CDKN2D: variants seen among roughly 807,000 people sequenced by gnomAD.
CDKN2D encodes the protein cyclin-dependent kinase 4 inhibitor D.
CDKN2D carries 3 observed loss-of-function variants against 4.7 expected under a neutral mutation model. The observed-to-expected ratio is 0.64, with a 90% CI of 0.29 to 1.66. CDKN2D has a LOEUF of 1.66. CDKN2D is among the 40% of genes most tolerant of loss of function. The pLI is 0.10. For missense variants in CDKN2D, 196 were observed against 230.9 expected (o/e 0.85, Z 0.98); for synonymous variants, 91 against 102.3 (o/e 0.89, Z 0.67).
chr19:10,566,914 CA>C lies in CDKN2D; in HGVS notation c.*143del. ...AACGTCCCCCAAACACTCACACCCC[CA>C]AAACCAACACCTATAAGCCACAAAC... On this transcript the variant is annotated 3_prime_UTR_variant, in exon 2 of 2. Coordinates refer to ENST00000393599, the MANE Select transcript of CDKN2D (RefSeq NM_001800.4). The C allele has an allele frequency of 1.2e-6, 1 of 828,360 alleles. No individual in the cohort carries two copies. The highest frequency in any genetic ancestry group is 1.9e-6 in the Non-Finnish European group (1 of 533,644). 51.3% of individuals were successfully genotyped at this position (828,360 alleles called of 1,614,324 possible). A position where few individuals can be genotyped will look rare whatever the true frequency, so the allele number is the denominator to read the frequency against.
rs756045764 is a variant in CDKN2D at position 10,567,289 on chromosome 19, C to T, written c.270G>A (p.Leu90=). Residue 90 remains leucine (L), a synonymous_variant, in exon 2 of 2, where the codon CTG becomes CTA. Coordinates refer to ENST00000393599, the MANE Select transcript of CDKN2D (RefSeq NM_001800.4). The stretch of plus-strand genomic sequence containing the variant: ...CAGCCCCGTGCTCCACTAGGACCTT[C>T]AGGGTGTCCAGGAATCCAGTGCGGG... The part of the protein sequence containing the change: ...DAARTGFLDT[L]KVLVEHGADV... 1.2e-6 allele frequency: 2 copies of T among 1,614,204 alleles called. No homozygotes were observed. Among genetic ancestry groups the T allele is most frequent in the Non-Finnish European group, 1.7e-6 (2 of 1,180,026 alleles).
rs575927926 is a variant in CDKN2D at position 10,568,937 on chromosome 19, C to G, written c.-284G>C. 2 of 209,860 alleles carry G rather than the reference C, an allele frequency of 9.5e-6. No homozygotes were observed. Among genetic ancestry groups the G allele is most frequent in the South Asian group, 1.9e-4 (1 of 5,364 alleles). 13.0% of individuals were successfully genotyped at this position (209,860 alleles called of 1,614,324 possible). ...CCGCCCCTTGGGGGCCGGGTCTCCC[C>G]CTAACTCACCCTCCCTCCTCCTCGC... On this transcript the variant is annotated 5_prime_UTR_variant, in exon 1 of 2. Coordinates refer to ENST00000393599, the MANE Select transcript of CDKN2D (RefSeq NM_001800.4).
In CDKN2D at chr19:10,568,688, G is replaced by A. The variant is rs749598950; in HGVS notation, c.-35C>T. 3.7e-6 allele frequency: 5 copies of A among 1,340,232 alleles called. 1 individual carries two copies. In the East Asian group the frequency reaches 9.0e-5, roughly 24 times the overall value. 83.0% of individuals were successfully genotyped at this position (1,340,232 alleles called of 1,614,324 possible). ...GGCGGCCTGCAAAGCCCCCCGCCCC[G>A]CCCCAGCCCGGCGCTGTCAGCGCGG... On this transcript the variant is annotated 5_prime_UTR_variant, in exon 1 of 2. Transcript: ENST00000393599.
chr19:10,568,450 C>T (rs1916961473), intron 1 of CDKN2D, 63 bp downstream of exon 1: 2 of 1,295,074 alleles, frequency 1.5e-6, no homozygotes, highest in Non-Finnish European at 2.0e-6. Context: ...GAGAGGAGCT[C>T]TGGGGTCTCG....
chr19:10,567,412 C>T lies in CDKN2D; in HGVS notation c.147G>A (p.Met49Ile), dbSNP rs915620069. The change falls in exon 2 of 2, where the codon ATG becomes ATA. Residue 49 changes from methionine to isoleucine, a missense_variant. Coordinates refer to ENST00000393599, the MANE Select transcript of CDKN2D (RefSeq NM_001800.4). ...NRFGKTALQV[M>I]MFGSTAIALE... ...GGGCGATGGCGGTGCTGCCAAACATCATGACCTGTGTGAGGGACAGAGGAT... is the reference window on the plus strand; with the variant it reads ...GGGCGATGGCGGTGCTGCCAAACATTATGACCTGTGTGAGGGACAGAGGAT... 1 of 1,612,344 alleles carries T rather than the reference C, an allele frequency of 6.2e-7. No homozygotes were observed. The highest frequency in any genetic ancestry group is 1.7e-5 in the Admixed American group (1 of 59,974).
chr19:10,568,699 G>A lies in CDKN2D; in HGVS notation c.-46C>T. On this transcript the variant is annotated 5_prime_UTR_variant, in exon 1 of 2. Transcript: ENST00000393599. ...AAGCCCCCCGCCCCGCCCCAGCCCG[G>A]CGCTGTCAGCGCGGAGCAGCCGGCG... 1.5e-6 allele frequency: 2 copies of A among 1,297,028 alleles called. No individual in the cohort carries two copies. Among genetic ancestry groups the A allele is most frequent in the Non-Finnish European group, 9.8e-7 (1 of 1,022,804 alleles). 80.3% of individuals were successfully genotyped at this position (1,297,028 alleles called of 1,614,324 possible). A position where few individuals can be genotyped will look rare whatever the true frequency, so the allele number is the denominator to read the frequency against.
At chr19:10,568,396 GA>G in intron 1 of CDKN2D, 116 bp downstream of exon 1, 1 of 942,500 alleles carries the variant, frequency 1.1e-6, no homozygotes, top group Non-Finnish European at 1.4e-6. Context: ...GCCTAGAGAA[GA>G]AGGACCGGTT....
In CDKN2D at chr19:10,568,610, GC is replaced by G; in HGVS notation, c.43del (p.Ala15ArgfsTer35). ...EVRAGDRLSG[A>X]AARGDVQEVR... Reference sequence around the variant, plus strand: ...CTCCTGCACGTCGCCCCGGGCCGCCGCCCCACTCAGCCGGTCGCCGGCGCGA... The same window carrying G: ...CTCCTGCACGTCGCCCCGGGCCGCCGCCCACTCAGCCGGTCGCCGGCGCGA... On this transcript the variant is annotated frameshift_variant, in exon 1 of 2. Coordinates refer to ENST00000393599, the MANE Select transcript of CDKN2D (RefSeq NM_001800.4). LOFTEE classifies it high-confidence loss of function. The G allele has an allele frequency of 6.6e-7, 1 of 1,507,852 alleles. No homozygotes were observed. Among genetic ancestry groups the G allele is most frequent in the Admixed American group, 2.1e-5 (1 of 48,746 alleles). The allele number at this position is 1,507,852 out of a possible 1,614,324, so 93.4% of individuals were successfully genotyped here. A position where few individuals can be genotyped will look rare whatever the true frequency, so the allele number is the denominator to read the frequency against.
Position 10,568,665 on chromosome 19 carries a change from C to A in CDKN2D, c.-12G>T. ...TCCTCCAGCAGCATGTCGACACTGG[C>A]GGCCTGCAAAGCCCCCCGCCCCGCC... On this transcript the variant is annotated 5_prime_UTR_variant, in exon 1 of 2. Transcript: ENST00000393599. 2 of 1,446,598 alleles carry A rather than the reference C, an allele frequency of 1.4e-6. No individual in the cohort carries two copies. Among genetic ancestry groups the A allele is most frequent in the Non-Finnish European group, 9.1e-7 (1 of 1,101,232 alleles). 89.6% of individuals were successfully genotyped at this position (1,446,598 alleles called of 1,614,324 possible). A position where few individuals can be genotyped will look rare whatever the true frequency, so the allele number is the denominator to read the frequency against.
chr19:10,567,498 C>T, intron 1 of CDKN2D, 81 bp from the exon 2 acceptor site: 3 of 1,456,310 alleles, frequency 2.1e-6, no homozygotes, highest in Non-Finnish European at 2.8e-6. Flanking sequence ...AAGGGTCATC[C>T]AGAAAGAGGC....
chr19:10,567,244 G>A lies in CDKN2D; in HGVS notation c.315C>T (p.Gly105=), dbSNP rs1478903257. The change falls in exon 2 of 2, where the codon GGC becomes GGT. Residue 105 remains glycine (G), a synonymous_variant. Coordinates refer to ENST00000393599, the MANE Select transcript of CDKN2D (RefSeq NM_001800.4). ...CCAGATGGATTGGAAGTGCCCCGGT[G>A]CCATCAGGCACGTTGACATCAGCCC... is the stretch of plus-strand genomic sequence containing the variant. The part of the protein sequence containing the change: ...EHGADVNVPD[G]TGALPIHLAV... 1 of 1,614,176 alleles carries A rather than the reference G, an allele frequency of 6.2e-7. No homozygotes were observed. Among genetic ancestry groups the A allele is most frequent in the Non-Finnish European group, 8.5e-7 (1 of 1,180,012 alleles).
rs757123610 is a variant in CDKN2D, at chr19:10,568,514, T to A, written c.140A>T (p.Gln47Leu). The A allele has an allele frequency of 7.0e-7, 1 of 1,428,720 alleles. No individual in the cohort carries two copies. Among genetic ancestry groups the A allele is most frequent in the South Asian group, 1.4e-5 (1 of 70,688 alleles). The allele number at this position is 1,428,720 out of a possible 1,614,324, so 88.5% of individuals were successfully genotyped here. ...CAACCTGGACCGGCCCGGCCTCACC[T>A]GCAGCGCCGTCTTGCCGAAGCGGTT... The part of the protein sequence containing the change: ...ALNRFGKTAL[Q>L]VMMFGSTAIA... Residue 47 changes from glutamine (Q) to leucine (L), a missense_variant and splice_region_variant, in exon 1 of 2, where the codon CAG becomes CTG. Transcript: ENST00000393599.
intron 1 of CDKN2D, 32 bp downstream of exon 1, chr19:10,568,481 C>T: frequency 2.2e-6 from 3 of 1,335,436 alleles, no homozygotes; most frequent in Non-Finnish European, 2.9e-6. Flanking sequence ...CGCTTAGCCG[C>T]CCCGCCCCAA....
chr19:10,567,724 G>A (rs1415720986), intron 1 of CDKN2D, among the ~76,000 whole-genome samples: 6 of 144,102 alleles, frequency 4.2e-5, no homozygotes. Flanking sequence ...CCCCAGATAT[G>A]GGCAATCACC....
Position 10,567,268 on chromosome 19 carries a change from C to T in CDKN2D, c.291G>A (p.Gly97=), listed in dbSNP as rs986383619. The part of the protein sequence containing the change: ...LDTLKVLVEH[G]ADVNVPDGTG... ...TGCCATCAGGCACGTTGACATCAGC[C>T]CCGTGCTCCACTAGGACCTTCAGGG... The change falls in exon 2 of 2, where the codon GGG becomes GGA. Residue 97 remains glycine, a synonymous_variant. Coordinates refer to ENST00000393599, the MANE Select transcript of CDKN2D (RefSeq NM_001800.4). 1 of 1,614,190 alleles carries T rather than the reference C, an allele frequency of 6.2e-7. No homozygotes were observed. Among genetic ancestry groups the T allele is most frequent in the Non-Finnish European group, 8.5e-7 (1 of 1,180,026 alleles).
In CDKN2D at chr19:10,568,549, G is replaced by C. The variant is rs765308793; in HGVS notation, c.105C>G (p.Pro35=). The C allele has an allele frequency of 8.7e-6, 13 of 1,492,836 alleles. 1 individual carries two copies. In the East Asian group the frequency reaches 3.3e-4, roughly 38 times the overall value. 92.5% of individuals were successfully genotyped at this position (1,492,836 alleles called of 1,614,324 possible). ...TCTTGCCGAAGCGGTTGAGGGCGTCGGGATGCACCAGCTCCCGGTGCAGAA... is the reference window on the plus strand; with the variant it reads ...TCTTGCCGAAGCGGTTGAGGGCGTCCGGATGCACCAGCTCCCGGTGCAGAA... The part of the protein sequence containing the change: ...RRLLHRELVH[P]DALNRFGKTA... The change falls in exon 1 of 2, where the codon CCC becomes CCG. Residue 35 remains proline (P), a synonymous_variant. Transcript: ENST00000393599.
Position 10,568,561 on chromosome 19 carries a change from C to T in CDKN2D, c.93G>A (p.Glu31=). 1 of 1,502,698 alleles carries T rather than the reference C, an allele frequency of 6.7e-7. No individual in the cohort carries two copies. The highest frequency in any genetic ancestry group is 1.4e-5 in the African/African-American group (1 of 70,036). The allele number at this position is 1,502,698 out of a possible 1,614,324, so 93.1% of individuals were successfully genotyped here. ...VQEVRRLLHR[E]LVHPDALNRF... is the part of the protein sequence containing the mutation. ...GGTTGAGGGCGTCGGGATGCACCAG[C>T]TCCCGGTGCAGAAGGCGGCGCACCT... Residue 31 remains glutamate, a synonymous_variant, in exon 1 of 2, where the codon GAG becomes GAA. Transcript: ENST00000393599.
chr19:10,568,953 T>G lies in CDKN2D; in HGVS notation c.-300A>C. On this transcript the variant is annotated 5_prime_UTR_variant, in exon 1 of 2. Transcript: ENST00000393599. Reference sequence around the variant, plus strand: ...GGGTCTCCCCCTAACTCACCCTCCCTCCTCCTCGCCGGGCGGGGTCTGCTC... The same window carrying G: ...GGGTCTCCCCCTAACTCACCCTCCCGCCTCCTCGCCGGGCGGGGTCTGCTC... The G allele has an allele frequency of 5.1e-6, 1 of 194,654 alleles. No individual in the cohort carries two copies. The highest frequency in any genetic ancestry group is 1.1e-5 in the Non-Finnish European group (1 of 94,402). The allele number at this position is 194,654 out of a possible 1,614,324, so 12.1% of individuals were successfully genotyped here.
In CDKN2D at chr19:10,566,910, C is replaced by A. The variant is rs1916911592; in HGVS notation, c.*148G>T. On this transcript the variant is annotated 3_prime_UTR_variant, in exon 2 of 2. Transcript: ENST00000393599. Reference sequence around the variant, plus strand: ...GAGAAACGTCCCCCAAACACTCACACCCCCAAAACCAACACCTATAAGCCA... The same window carrying A: ...GAGAAACGTCCCCCAAACACTCACAACCCCAAAACCAACACCTATAAGCCA... 1.3e-6 allele frequency: 1 copy of A among 764,328 alleles called. No homozygotes were observed. The highest frequency in any genetic ancestry group is 2.6e-5 in the East Asian group (1 of 38,984). The allele number at this position is 764,328 out of a possible 1,614,324, so 47.3% of individuals were successfully genotyped here.
Sources: gnomAD v4.1 joint callset for allele counts (sites outside exome capture counted in the v4.1 genomes callset) on GRCh38, gnomAD v4.1.1 for gene constraint, MANE v1.5 for transcripts, NCBI Gene and HGNC (gene_info 2026-07-23, HGNC 2026-07-21) for gene names.